The following TTC7B variants were observed in gnomAD, a reference collection of about 807,000 sequenced individuals.
TTC7B encodes the protein tetratricopeptide repeat protein 7B.
TTC7B carries 28 observed loss-of-function variants against 106.8 expected under a neutral mutation model. The observed-to-expected ratio is 0.26, with a 90% confidence interval of 0.19 to 0.36. TTC7B has a LOEUF of 0.36. Among genes scored for constraint, TTC7B ranks in the 10% least tolerant of loss-of-function variants. TTC7B has a pLI of 1.00. For missense variants in TTC7B, 862 were observed against 1,076.4 expected, an observed-to-expected ratio of 0.80 and a Z score of 2.79; for synonymous variants, 405 against 430.6, an observed-to-expected ratio of 0.94 and a Z score of 0.74.
At chr14:90,593,692 C>A in intron 17 of TTC7B, 66 bp from the exon 18 acceptor site, 8 of 1,448,178 alleles carry the variant, frequency 5.5e-6, no homozygotes, top group Non-Finnish European at 7.4e-6. Flanking sequence ...TCAACCCCTT[C>A]CCACACAGAC....
At chr14:90,712,047 T>A (rs199511616) in intron 5 of TTC7B, among the ~76,000 whole-genome samples, 1 of 114,740 alleles carries the variant, frequency 8.7e-6, no homozygotes, top group Non-Finnish European at 2.0e-5. Context: ...AGGTTGAAAA[T>A]AAAAGGACAA....
intron 19 of TTC7B, among the ~76,000 whole-genome samples, chr14:90,571,749 G>A (rs533358653): frequency 2.0e-5 from 3 of 152,288 alleles, no homozygotes; most frequent in Non-Finnish European, 4.4e-5. Flanking sequence ...AGCTTAATTG[G>A]GCCTGGGCCT....
At chr14:90,576,211 C>G (rs749005791) in intron 19 of TTC7B, among the ~76,000 whole-genome samples, 58 of 152,074 alleles carry the variant, frequency 3.8e-4, no homozygotes, top group Non-Finnish European at 7.6e-4. Context: ...AAACATGCAG[C>G]CTCTTTTTAA....
intron 17 of TTC7B, among the ~76,000 whole-genome samples, chr14:90,601,700 C>A (rs958893351): frequency 1.3e-5 from 2 of 152,182 alleles, no homozygotes; most frequent in South Asian, 4.1e-4. Context: ...ATGCAGAGAG[C>A]CCTGCTGCTT....
At chr14:90,791,600 C>T (rs1285911889) in intron 1 of TTC7B, among the ~76,000 whole-genome samples, 2 of 152,136 alleles carry the variant, frequency 1.3e-5, no homozygotes, top group Non-Finnish European at 2.9e-5. Context: ...TACGTTATGA[C>T]GATGGGATGG....
At chr14:90,773,696 A>G (rs912537589) in intron 3 of TTC7B, among the ~76,000 whole-genome samples, 1 of 152,100 alleles carries the variant, frequency 6.6e-6, no homozygotes, top group Admixed American at 6.5e-5. Context: ...CTAACACTGA[A>G]CTTCATGCAG....
At position 90,666,774 on chromosome 14, in the gene TTC7B, A is replaced by G. The variant is rs573789091; in HGVS notation, c.1153-8387T>C. On this transcript the variant is annotated intron_variant, in intron 9 of 19. Transcript: ENST00000328459. ...AGTTTTATTGCTTTGGCAAACACTTAAAGGATATCATTGCCTCTGGCCACA... is the reference window on the plus strand; with the variant it reads ...AGTTTTATTGCTTTGGCAAACACTTGAAGGATATCATTGCCTCTGGCCACA... Among the ~76,000 whole-genome samples, 5 of 152,318 alleles carry G rather than the reference A, an allele frequency of 3.3e-5. No homozygotes were observed. The South Asian group carries it at 8.3e-4, about 25-fold the overall frequency.
intron 7 of TTC7B, among the ~76,000 whole-genome samples, chr14:90,688,520 G>C (rs1165288487): frequency 6.6e-6 from 1 of 151,332 alleles, no homozygotes; most frequent in East Asian, 1.9e-4. Context: ...CTACTTGGGA[G>C]GCTGAGGCAG....
intron 7 of TTC7B, among the ~76,000 whole-genome samples, chr14:90,686,721 T>C (rs1887264488): frequency 6.6e-6 from 1 of 152,230 alleles, no homozygotes. Flanking sequence ...AACAACTCTA[T>C]TTATAATAGC....
chr14:90,761,191 T>C (rs1890488494), intron 3 of TTC7B, among the ~76,000 whole-genome samples: 1 of 149,300 alleles, frequency 6.7e-6, no homozygotes. Flanking sequence ...ACCACCAGGT[T>C]AGGAGGATGA....
chr14:90,756,390 T>TG (rs1890301057), intron 3 of TTC7B, among the ~76,000 whole-genome samples: 1 of 149,740 alleles, frequency 6.7e-6, no homozygotes, highest in Non-Finnish European at 1.5e-5. Context: ...TTTTGTTTTT[T>TG]TTTTTTGTTT....
chr14:90,670,017 G>A lies in TTC7B; in HGVS notation c.1152+6506C>T, dbSNP rs1031391130. On this transcript the variant is annotated intron_variant, in intron 9 of 19. Coordinates refer to ENST00000328459, the MANE Select transcript of TTC7B (RefSeq NM_001010854.2). ...TTGATGTTGGCTGGGGACAGGAGAA[G>A]GAAGGAAAGTCCAAGGACAGTATTC... Among the ~76,000 whole-genome samples the A allele has an allele frequency of 1.0e-3, 158 of 152,298 alleles. 1 individual carries two copies. The highest frequency in any genetic ancestry group is 3.6e-3 in the African/African-American group (150 of 41,556).
At chr14:90,658,238 T>C in intron 10 of TTC7B, 66 bp downstream of exon 10, 1 of 1,361,654 alleles carries the variant, frequency 7.3e-7, no homozygotes, top group Non-Finnish European at 1.0e-6. Flanking sequence ...TGCAATTCCA[T>C]GACATTCAAC....
At chr14:90,626,809 C>T (rs1003911978) in intron 15 of TTC7B, among the ~76,000 whole-genome samples, 2 of 152,124 alleles carry the variant, frequency 1.3e-5, no homozygotes, top group African/African-American at 2.4e-5. Flanking sequence ...TCAGTCCAGT[C>T]TGCCAACAGA....
At chr14:90,713,471 G>A (rs536296362) in intron 5 of TTC7B, among the ~76,000 whole-genome samples, 3 of 152,292 alleles carry the variant, frequency 2.0e-5, no homozygotes, top group East Asian at 3.9e-4. Context: ...TTAGAAAAAT[G>A]TAAATTAATT....
chr14:90,677,279 G>A (rs1329177467), intron 8 of TTC7B, among the ~76,000 whole-genome samples: 2 of 152,168 alleles, frequency 1.3e-5, no homozygotes, highest in African/African-American at 4.8e-5. Flanking sequence ...GAGAAAACAA[G>A]AAGAAAGCAG....
chr14:90,714,856 C>T (rs192619495), intron 5 of TTC7B, among the ~76,000 whole-genome samples: 13 of 152,224 alleles, frequency 8.5e-5, no homozygotes, highest in Admixed American at 7.9e-4. Flanking sequence ...TAGCAGCTTC[C>T]TCTATGACAA....
chr14:90,789,755 G>C (rs1891515976), intron 1 of TTC7B, among the ~76,000 whole-genome samples: 1 of 151,950 alleles, frequency 6.6e-6, no homozygotes, highest in African/African-American at 2.4e-5. Context: ...AATTAGCCGG[G>C]CGTGGTGGTG....
At chr14:90,749,362 GA>G (rs1462279444) in intron 3 of TTC7B, among the ~76,000 whole-genome samples, 1 of 150,656 alleles carries the variant, frequency 6.6e-6, no homozygotes, top group Non-Finnish European at 1.5e-5. Flanking sequence ...TTGTCCTACA[GA>G]TCACTTATGG....
Sources: allele counts gnomAD v4.1 joint callset (sites outside exome capture counted in the v4.1 genomes callset), GRCh38; gene constraint gnomAD v4.1.1; transcripts MANE v1.5; gene names NCBI Gene and HGNC (gene_info 2026-07-23, HGNC 2026-07-21).